Variants in NELL1 observed in about 807,000 individuals in gnomAD.
The protein encoded by NELL1 is protein kinase C-binding protein NELL1.
NELL1 carries 76 observed loss-of-function variants against 107.4 expected under a neutral mutation model. The observed-to-expected ratio is 0.71, with a 90% CI of 0.59 to 0.86. NELL1 has a LOEUF of 0.86. Among genes scored for constraint, NELL1 ranks in the 40% least tolerant of loss-of-function variants. The pLI is 0.00. For missense variants in NELL1, 1,024 were observed against 1,005.5 expected (o/e 1.02, Z -0.25); for synonymous variants, 353 against 341.2 (o/e 1.03, Z -0.38).
At chr11:21,168,851 A>G (rs924716807) in intron 13 of NELL1, among the ~76,000 whole-genome samples, 2 of 151,870 alleles carry the variant, frequency 1.3e-5, no homozygotes, top group African/African-American at 4.9e-5. Context: ...GTTTCTCTGA[A>G]GAAGATTTTG....
intron 2 of NELL1, among the ~76,000 whole-genome samples, chr11:20,681,099 A>G (rs1793001): frequency 0.85 from 129,622 of 152,098 alleles, 55,619 homozygotes; most frequent in Non-Finnish European, 0.88. Flanking sequence ...AAGTTGTTTA[A>G]CCACAACGTG....
At chr11:21,356,626 C>T (rs10766789) in intron 14 of NELL1, among the ~76,000 whole-genome samples, 44,936 of 151,956 alleles carry the variant, frequency 0.3, 6,638 homozygotes, top group Middle Eastern at 0.36. Flanking sequence ...AATACTGTAG[C>T]GCATAGTAGA....
intron 13 of NELL1, among the ~76,000 whole-genome samples, chr11:21,117,098 A>G (rs1211251473): frequency 6.6e-6 from 1 of 151,852 alleles, no homozygotes; most frequent in Admixed American, 6.6e-5. Flanking sequence ...AGACCTTTGC[A>G]TGAGCTATTG....
intron 14 of NELL1, among the ~76,000 whole-genome samples, chr11:21,319,542 A>T (rs1849962617): frequency 6.7e-6 from 1 of 148,642 alleles, no homozygotes; most frequent in Non-Finnish European, 1.5e-5. Context: ...GGTTTTTAAC[A>T]TGTTGATCAG....
chr11:21,004,867 TA>T (rs2134278538), intron 12 of NELL1, among the ~76,000 whole-genome samples: 1 of 152,266 alleles, frequency 6.6e-6, no homozygotes, highest in Non-Finnish European at 1.5e-5. Flanking sequence ...ACTAGTCTGC[TA>T]AACCTCAAAG....
intron 5 of NELL1, among the ~76,000 whole-genome samples, chr11:20,897,091 G>T (rs1319147377): frequency 6.6e-6 from 1 of 152,280 alleles, no homozygotes; most frequent in East Asian, 1.9e-4. Flanking sequence ...CTAAAAAAGA[G>T]CCCGCATTGC....
intron 15 of NELL1, among the ~76,000 whole-genome samples, chr11:21,454,998 C>T (rs1853689398): frequency 6.6e-6 from 1 of 152,214 alleles, no homozygotes; most frequent in Non-Finnish European, 1.5e-5. Context: ...TTCTAGAACT[C>T]TTTAATCTTT....
intron 14 of NELL1, among the ~76,000 whole-genome samples, chr11:21,299,384 A>G (rs950991431): frequency 6.6e-6 from 1 of 151,896 alleles, no homozygotes; most frequent in Non-Finnish European, 1.5e-5. Flanking sequence ...AGAGTAAAGA[A>G]CCTGGAACAC....
chr11:21,248,329 G>A (rs1858546790), intron 14 of NELL1, among the ~76,000 whole-genome samples: 1 of 149,554 alleles, frequency 6.7e-6, no homozygotes, highest in African/African-American at 2.5e-5. Flanking sequence ...CTGAGTGACA[G>A]TGAGAGCCTG....
intron 13 of NELL1, among the ~76,000 whole-genome samples, chr11:21,156,913 T>C (rs1340656257): frequency 1.4e-5 from 2 of 145,038 alleles, no homozygotes; most frequent in East Asian, 4.1e-4. Flanking sequence ...GACAACATGG[T>C]GGAACCCCGC....
chr11:20,877,007 AG>A (rs1389371016), intron 4 of NELL1, among the ~76,000 whole-genome samples: 1 of 152,156 alleles, frequency 6.6e-6, no homozygotes, highest in Non-Finnish European at 1.5e-5. Context: ...TGAGGCTAAG[AG>A]GGGAAAGGGT....
chr11:21,430,407 G>A (rs1197864460), intron 15 of NELL1, among the ~76,000 whole-genome samples: 1 of 151,956 alleles, frequency 6.6e-6, no homozygotes, highest in Non-Finnish European at 1.5e-5. Flanking sequence ...AATCTTATAA[G>A]CATCTTTTTT....
chr11:20,730,487 A>G (rs963473086), intron 2 of NELL1, among the ~76,000 whole-genome samples: 1 of 152,196 alleles, frequency 6.6e-6, no homozygotes, highest in Non-Finnish European at 1.5e-5. Context: ...TGAGAAAGCC[A>G]ATACCCAGAG....
At chr11:20,850,566 A>C (rs879584278) in intron 4 of NELL1, among the ~76,000 whole-genome samples, 4 of 152,170 alleles carry the variant, frequency 2.6e-5, no homozygotes, top group Non-Finnish European at 5.9e-5. Context: ...ATTTGGACCC[A>C]AGTTTGACCT....
chr11:21,032,382 G>GTTGTTGTT (rs1020584142), intron 12 of NELL1, among the ~76,000 whole-genome samples: 2 of 151,938 alleles, frequency 1.3e-5, no homozygotes, highest in African/African-American at 4.8e-5. Flanking sequence ...TAGAATTTTT[G>GTTGTTGTT]TTGTTGTTTT....
At chr11:20,983,043 G>A (rs571802513) in intron 12 of NELL1, among the ~76,000 whole-genome samples, 1 of 152,278 alleles carries the variant, frequency 6.6e-6, no homozygotes, top group Non-Finnish European at 1.5e-5. Context: ...GAGACCTTCA[G>A]ATCAGTAAGA....
intron 12 of NELL1, among the ~76,000 whole-genome samples, chr11:21,093,664 C>T (rs1313669092): frequency 3.9e-5 from 6 of 152,146 alleles, no homozygotes; most frequent in African/African-American, 9.7e-5. Flanking sequence ...ATAATCATAG[C>T]GGAAGGCAAT....
chr11:21,033,678 T>C lies in NELL1; in HGVS notation c.1300+73118T>C, dbSNP rs141425433. Among the ~76,000 whole-genome samples, 321 of 152,338 alleles carry C rather than the reference T, an allele frequency of 2.1e-3. 1 individual carries two copies. Among genetic ancestry groups the C allele is most frequent in the African/African-American group, 7.3e-3 (305 of 41,572 alleles). The stretch of plus-strand genomic sequence containing the variant: ...TGGTTGATTCCATGTCTTTTGCTAT[T>C]GAAAATAGTGCTGCAATGAGTATAC... On this transcript the variant is annotated intron_variant, in intron 12 of 19. Coordinates refer to ENST00000357134, the MANE Select transcript of NELL1 (RefSeq NM_006157.5).
At chr11:20,780,585 C>T (rs906371164) in intron 2 of NELL1, among the ~76,000 whole-genome samples, 2 of 152,108 alleles carry the variant, frequency 1.3e-5, no homozygotes, top group African/African-American at 2.4e-5. Flanking sequence ...TATGAGGTAA[C>T]AAGCTTGAAA....
Sources: gnomAD v4.1 joint callset for allele counts (sites outside exome capture counted in the v4.1 genomes callset) on GRCh38, gnomAD v4.1.1 for gene constraint, MANE v1.5 for transcripts, NCBI Gene and HGNC (gene_info 2026-07-23, HGNC 2026-07-21) for gene names.